Variants in MMRN1 observed in about 807,000 individuals in gnomAD.
MMRN1 encodes multimerin 1, also known as multimerin-1.
MMRN1 carries 94 observed loss-of-function variants against 100.7 expected under a neutral mutation model. The ratio of observed to expected loss-of-function variants is 0.93; its 90% CI spans 0.79 to 1.11. MMRN1 has a LOEUF of 1.11. Among genes scored for constraint, MMRN1 ranks in the 50% least tolerant of loss-of-function variants. The probability of loss-of-function intolerance (pLI) is 0.00; values close to 1 mark genes in which losing one functional copy is unlikely to be tolerated. For synonymous variants in MMRN1, 575 were observed against 505.0 expected (o/e 1.14, Z -1.86); for missense variants, 1,606 against 1,439.1 (o/e 1.12, Z -1.88).
intron 1 of MMRN1, among the ~76,000 whole-genome samples, chr4:89,885,760 T>G (rs888735944): frequency 1.3e-5 from 2 of 152,090 alleles, no homozygotes; most frequent in Non-Finnish European, 2.9e-5. Context: ...TTCTAACAGT[T>G]ACTATCTCTT....
At chr4:89,917,077 C>T (rs1721944999) in intron 3 of MMRN1, among the ~76,000 whole-genome samples, 1 of 151,430 alleles carries the variant, frequency 6.6e-6, no homozygotes, top group South Asian at 2.1e-4. Flanking sequence ...GTTAAAATCC[C>T]CCCACACATC....
chr4:89,951,372 A>G, intron 6 of MMRN1: 1 of 372,426 alleles, frequency 2.7e-6, no homozygotes, highest in Non-Finnish European at 4.8e-6. Context: ...TCACACCAAT[A>G]AATGTAATGG....
At chr4:89,952,012 C>T (rs1161010605) in intron 7 of MMRN1, among the ~76,000 whole-genome samples, 1 of 152,076 alleles carries the variant, frequency 6.6e-6, no homozygotes, top group African/African-American at 2.4e-5. Context: ...ATTCTACCCC[C>T]TCACAAACTT....
chr4:89,939,024 A>G lies in MMRN1; in HGVS notation c.3118+2226A>G, dbSNP rs184394133. ...CAGCCATACTTCCATGGGCCATAGAACAGATGTCAATCATTGGGCAGCTCA... is the reference window on the plus strand; with the variant it reads ...CAGCCATACTTCCATGGGCCATAGAGCAGATGTCAATCATTGGGCAGCTCA... On this transcript the variant is annotated intron_variant, in intron 6 of 7. Transcript: ENST00000264790. Among the ~76,000 whole-genome samples the G allele has an allele frequency of 2.2e-3, 331 of 152,200 alleles. 5 individuals are homozygous for G. The highest frequency in any genetic ancestry group is 0.014 in the Middle Eastern group (4 of 294).
At position 89,949,791 on chromosome 4, in the gene MMRN1, C is replaced by T. The variant is rs535586561; in HGVS notation, c.3119-1814C>T. ...TTGCAAAAAATTTTAATAATACAGG[C>T]ATGCCGTTTGTTCACATTTTATGTG... On this transcript the variant is annotated intron_variant, in intron 6 of 7. Coordinates refer to ENST00000264790, the MANE Select transcript of MMRN1 (RefSeq NM_007351.3). 2.6e-5 allele frequency among the ~76,000 whole-genome samples: 4 copies of T among 152,264 alleles called. No homozygotes were observed. In the East Asian group the frequency reaches 7.7e-4, roughly 29 times the overall value.
At chr4:89,941,161 T>C (rs778105310) in intron 6 of MMRN1, among the ~76,000 whole-genome samples, 4 of 152,194 alleles carry the variant, frequency 2.6e-5, no homozygotes, top group East Asian at 1.9e-4. Context: ...TGGCTGAATA[T>C]AAGCCCGTTA....
At position 89,935,977 on chromosome 4, in the gene MMRN1, C is replaced by A; in HGVS notation, c.2297C>A (p.Thr766Asn). 1 of 1,612,246 alleles carries A rather than the reference C, an allele frequency of 6.2e-7. No homozygotes were observed. Among genetic ancestry groups the A allele is most frequent in the Non-Finnish European group, 8.5e-7 (1 of 1,178,726 alleles). ...AATAGTGAGATCCATCATAAATGTA[C>A]CTCCGATATGGAAACTATTTTGACA... ...KDNSEIHHKC[T>N]SDMETILTFI... Residue 766 changes from threonine (T) to asparagine (N), a missense_variant, in exon 6 of 8, where the codon ACC becomes AAC. Physicochemically the swap from Thr to Asn is moderately conservative, Grantham distance 65. Transcript: ENST00000264790.
chr4:89,938,503 A>T (rs13121387), intron 6 of MMRN1, among the ~76,000 whole-genome samples: 5 of 78,670 alleles, frequency 6.4e-5, no homozygotes, highest in South Asian at 3.7e-4. Context: ...ATATATATAT[A>T]TATATATATT....
chr4:89,890,928 A>G (rs574454061), upstream of MMRN1, among the ~76,000 whole-genome samples: 3 of 152,066 alleles, frequency 2.0e-5, no homozygotes, highest in African/African-American at 7.2e-5. Flanking sequence ...TAAGAATTAT[A>G]TAATTCATTA....
chr4:89,950,429 C>T (rs944359670), intron 6 of MMRN1, among the ~76,000 whole-genome samples: 1 of 152,106 alleles, frequency 6.6e-6, no homozygotes, highest in Non-Finnish European at 1.5e-5. Context: ...GTCCTATTAA[C>T]AGCTATAGCA....
intron 2 of MMRN1, among the ~76,000 whole-genome samples, chr4:89,910,192 T>C (rs1197657467): frequency 2.0e-5 from 3 of 151,394 alleles, no homozygotes; most frequent in Non-Finnish European, 4.4e-5. Context: ...TAGCTAAGGT[T>C]CATGGTCCAG....
At position 89,953,424 on chromosome 4, in the gene MMRN1, T is replaced by C; in HGVS notation, c.*6T>C. The C allele has an allele frequency of 6.4e-7, 1 of 1,571,206 alleles. No individual in the cohort carries two copies. Among genetic ancestry groups the C allele is most frequent in the South Asian group, 1.2e-5 (1 of 82,940 alleles). On this transcript the variant is annotated 3_prime_UTR_variant, in exon 8 of 8. Transcript: ENST00000264790. ...ATTTATTATATCGTACATAAGTTAG[T>C]ATGAAAAACAGACTATCACCTTTAT...
At position 89,951,720 on chromosome 4, in the gene MMRN1, C is replaced by A; in HGVS notation, c.3234C>A (p.Ile1078=). ...RHPFTGDNCT[I]KLVEENALAP... is the part of the protein sequence containing the mutation. ...CTTTTACTGGTGACAACTGCACTAT[C>A]AAGCTTGTGGAAGAAAATGCTTTAG... is the stretch of plus-strand genomic sequence containing the variant. The change falls in exon 7 of 8, where the codon ATC becomes ATA. Residue 1078 remains isoleucine (I), a synonymous_variant. Coordinates refer to ENST00000264790, the MANE Select transcript of MMRN1 (RefSeq NM_007351.3). 5 of 1,612,394 alleles carry A rather than the reference C, an allele frequency of 3.1e-6. No individual in the cohort carries two copies. The highest frequency in any genetic ancestry group is 4.2e-6 in the Non-Finnish European group (5 of 1,179,328).
rs1721143283 is a variant in MMRN1, at chr4:89,895,009, T to C, written c.38T>C (p.Leu13Ser). 6.2e-7 allele frequency: 1 copy of C among 1,613,466 alleles called. No individual in the cohort carries two copies. The highest frequency in any genetic ancestry group is 8.5e-7 in the Non-Finnish European group (1 of 1,179,618). The change falls in exon 1 of 8, where the codon TTA (leucine) becomes TCA (serine). Residue 13 changes from leucine (L) to serine (S), a missense_variant. Leu to Ser is a moderately radical substitution (Grantham distance 145). Coordinates refer to ENST00000264790, the MANE Select transcript of MMRN1 (RefSeq NM_007351.3). ...AGATTATTTGTCCTTCTTTCTAGTT[T>C]ATGGAGTGGGGGCATTGGGCTTAAC... is the stretch of plus-strand genomic sequence containing the variant. Reference protein sequence around the residue: ...GARLFVLLSSLWSGGIGLNNS... With the variant: ...GARLFVLLSSSWSGGIGLNNS...
intron 5 of MMRN1, among the ~76,000 whole-genome samples, chr4:89,931,546 T>C (rs548804641): frequency 1.3e-5 from 2 of 152,290 alleles, no homozygotes; most frequent in East Asian, 1.9e-4. Context: ...TTCATATTGC[T>C]ATTAAAAAAA....
intron 6 of MMRN1, among the ~76,000 whole-genome samples, chr4:89,948,870 A>T (rs1444859652): frequency 6.6e-6 from 1 of 152,196 alleles, no homozygotes; most frequent in African/African-American, 2.4e-5. Context: ...GCACCATGAA[A>T]GATGTCCTAG....
intron 1 of MMRN1, among the ~76,000 whole-genome samples, chr4:89,901,579 C>T (rs538192275): frequency 6.6e-6 from 1 of 151,834 alleles, no homozygotes; most frequent in African/African-American, 2.4e-5. Context: ...CTAATAACAT[C>T]CAAAATGGGT....
chr4:89,886,523 T>C (rs962343412), intron 1 of MMRN1, among the ~76,000 whole-genome samples: 2 of 152,134 alleles, frequency 1.3e-5, no homozygotes, highest in African/African-American at 4.8e-5. Flanking sequence ...TCTGTAGTTG[T>C]TGGATGTTCT....
intron 6 of MMRN1, among the ~76,000 whole-genome samples, chr4:89,942,422 G>A (rs921397627): frequency 6.6e-6 from 1 of 152,086 alleles, no homozygotes; most frequent in African/African-American, 2.4e-5. Context: ...ATTACAGATT[G>A]TAAATTTGCT....
Sources: allele counts gnomAD v4.1 joint callset (sites outside exome capture counted in the v4.1 genomes callset), GRCh38; gene constraint gnomAD v4.1.1; transcripts MANE v1.5; gene names NCBI Gene and HGNC (gene_info 2026-07-23, HGNC 2026-07-21).